Variants in WDPCP observed in about 807,000 individuals in gnomAD.
WDPCP encodes WD repeat containing planar cell polarity effector.
In WDPCP, 71 loss-of-function variants were observed where a neutral mutation model predicts 93.1. The ratio of observed to expected loss-of-function variants is 0.76; its 90% CI spans 0.63 to 0.93. WDPCP has a LOEUF of 0.93. Among genes scored for constraint, WDPCP ranks in the 40% least tolerant of loss-of-function variants. The probability of loss-of-function intolerance (pLI) is 0.00; values close to 1 mark genes in which losing one functional copy is unlikely to be tolerated. For missense variants in WDPCP, 844 were observed against 887.4 expected, an observed-to-expected ratio of 0.95 and a Z score of 0.62; for synonymous variants, 315 against 315.0, an observed-to-expected ratio of 1.00 and a Z score of 0.00.
chr2:63,467,973 G>C (rs1233824091), intron 6 of WDPCP, among the ~76,000 whole-genome samples: 2 of 152,080 alleles, frequency 1.3e-5, no homozygotes, highest in Non-Finnish European at 1.5e-5. Context: ...CCTTCAAGAG[G>C]AACTGAGGCT....
At chr2:63,196,896 G>A (rs561421066) in intron 14 of WDPCP, among the ~76,000 whole-genome samples, 1 of 152,156 alleles carries the variant, frequency 6.6e-6, no homozygotes, top group African/African-American at 2.4e-5. Context: ...TGGCAGAAGG[G>A]TTCTGACTGT....
At chr2:63,147,456 G>A (rs1054389370) in intron 17 of WDPCP, among the ~76,000 whole-genome samples, 3 of 152,274 alleles carry the variant, frequency 2.0e-5, no homozygotes, top group East Asian at 1.9e-4. Context: ...AATCAAGAAC[G>A]ACAGAGACCA....
chr2:63,157,352 G>A (rs985637680), intron 15 of WDPCP, among the ~76,000 whole-genome samples: 11 of 151,732 alleles, frequency 7.2e-5, no homozygotes, highest in Non-Finnish European at 1.2e-4. Flanking sequence ...AATTCCATGG[G>A]ACTGCTTGAT....
rs552664929 is a variant in WDPCP at position 63,827,485 on chromosome 2, A to T, written n.222+137T>A. 5 of 152,292 alleles carry T rather than the reference A, an allele frequency of 3.3e-5. No homozygotes were observed. In the South Asian group the frequency reaches 1.0e-3, roughly 32 times the overall value. 9.4% of individuals were successfully genotyped at this position (152,292 alleles called of 1,614,324 possible). A position where few individuals can be genotyped will look rare whatever the true frequency, so the allele number is the denominator to read the frequency against. On this transcript the variant is annotated intron_variant and non_coding_transcript_variant, in intron 1 of 4. Transcript: ENST00000467687. The stretch of plus-strand genomic sequence containing the variant: ...TAGCCAGCAACATTTTAAGAAATTC[A>T]CTGATCATGGATTCTATAATAATTT...
intron 6 of WDPCP, among the ~76,000 whole-genome samples, chr2:63,468,075 C>T (rs1470017759): frequency 6.6e-6 from 1 of 152,190 alleles, no homozygotes; most frequent in Non-Finnish European, 1.5e-5. Flanking sequence ...CAGCCCAATC[C>T]TGTCCAACAG....
At chr2:63,515,809 C>T (rs2106121857) in intron 1 of WDPCP, among the ~76,000 whole-genome samples, 1 of 152,250 alleles carries the variant, frequency 6.6e-6, no homozygotes, top group East Asian at 1.9e-4. Context: ...CACTTGAGGC[C>T]AGGAGTTCGA....
At chr2:63,172,782 C>G (rs1673494232) in intron 15 of WDPCP, among the ~76,000 whole-genome samples, 1 of 152,122 alleles carries the variant, frequency 6.6e-6, no homozygotes, top group South Asian at 2.1e-4. Flanking sequence ...GGAGCATGGA[C>G]TACAGGGAAG....
chr2:63,225,971 G>A (rs1431643684), intron 14 of WDPCP, among the ~76,000 whole-genome samples: 1 of 151,834 alleles, frequency 6.6e-6, no homozygotes, highest in Admixed American at 6.6e-5. Context: ...CCAATTATAT[G>A]TGTGTGTTCA....
At chr2:63,800,303 C>G (rs1301135648) in intron 2 of WDPCP, among the ~76,000 whole-genome samples, 1 of 152,038 alleles carries the variant, frequency 6.6e-6, no homozygotes, top group Non-Finnish European at 1.5e-5. Context: ...TAGTGAGTAA[C>G]GGAGCTCCGT....
chr2:63,393,435 A>G (rs1005833384), intron 10 of WDPCP, among the ~76,000 whole-genome samples: 7 of 152,036 alleles, frequency 4.6e-5, no homozygotes, highest in Non-Finnish European at 1.5e-5. Context: ...ACCTAATGTA[A>G]ATGACTAGTT....
intron 1 of WDPCP, among the ~76,000 whole-genome samples, chr2:63,537,538 C>T (rs75421883): frequency 6.6e-6 from 1 of 152,320 alleles, no homozygotes; most frequent in African/African-American, 2.4e-5. Flanking sequence ...CCTCTGAACA[C>T]TGAAGTCTTA....
At chr2:63,599,116 ATTAG>A in intron 3 of WDPCP, 1 of 1,552,062 alleles carries the variant, frequency 6.4e-7, no homozygotes, top group East Asian at 2.4e-5. Context: ...TTTAACATAG[ATTAG>A]TTAGTAACTA....
chr2:63,819,480 T>C (rs971647867), intron 1 of WDPCP, among the ~76,000 whole-genome samples: 2 of 152,218 alleles, frequency 1.3e-5, no homozygotes, highest in Non-Finnish European at 2.9e-5. Context: ...CTTTCTGCTC[T>C]GCAAGCCCAG....
At chr2:63,752,208 TGCCACTGC>T in intron 2 of WDPCP, 2 of 668,796 alleles carry the variant, frequency 3.0e-6, no homozygotes, top group African/African-American at 1.8e-5. Flanking sequence ...TTTTTTTTTT[TGCCACTGC>T]CTCAATCAGT....
At chr2:63,240,910 G>C (rs967925620) in intron 14 of WDPCP, among the ~76,000 whole-genome samples, 4 of 152,076 alleles carry the variant, frequency 2.6e-5, no homozygotes, top group African/African-American at 9.7e-5. Context: ...GTTCTGAAGA[G>C]TTGACAACTT....
chr2:63,165,657 A>C (rs1672911709), intron 15 of WDPCP, among the ~76,000 whole-genome samples: 1 of 150,094 alleles, frequency 6.7e-6, no homozygotes, highest in South Asian at 2.1e-4. Flanking sequence ...TTCTAAATTC[A>C]GTGGTGGACA....
chr2:63,777,608 C>T (rs542864047), intron 2 of WDPCP, among the ~76,000 whole-genome samples: 3 of 152,268 alleles, frequency 2.0e-5, no homozygotes, highest in African/African-American at 7.2e-5. Flanking sequence ...ACTGTTGATA[C>T]ATGCAACAAT....
intron 12 of WDPCP, among the ~76,000 whole-genome samples, chr2:63,326,285 C>T (rs533084617): frequency 7.9e-5 from 12 of 152,258 alleles, no homozygotes; most frequent in Non-Finnish European, 1.2e-4. Flanking sequence ...AGACTTATGC[C>T]GCCCGAGATG....
intron 9 of WDPCP, among the ~76,000 whole-genome samples, chr2:63,424,102 C>T (rs1312264281): frequency 6.6e-6 from 1 of 152,102 alleles, no homozygotes; most frequent in Non-Finnish European, 1.5e-5. Flanking sequence ...GGCAGGGGAA[C>T]GCTCTCTCGC....
Sources: allele counts gnomAD v4.1 joint callset (sites outside exome capture counted in the v4.1 genomes callset), GRCh38; gene constraint gnomAD v4.1.1; transcripts MANE v1.5; gene names NCBI Gene and HGNC (gene_info 2026-07-23, HGNC 2026-07-21).